Variants in HERC2 observed in about 807,000 individuals in gnomAD.
HERC2 encodes E3 ubiquitin-protein ligase HERC2.
In HERC2, 102 loss-of-function variants were observed where a neutral mutation model predicts 537.7. The observed-to-expected ratio is 0.19, with a 90% CI of 0.16 to 0.22. The LOEUF (loss-of-function observed/expected upper bound fraction) is 0.22. Ranked by LOEUF, HERC2 falls within the 10% of genes least tolerant of loss-of-function variation. The pLI is 1.00. For synonymous variants in HERC2, 2,224 were observed against 2,466.2 expected, an observed-to-expected ratio of 0.90 and a Z score of 2.91; for missense variants, 4,236 against 6,198.2, an observed-to-expected ratio of 0.68 and a Z score of 10.63.
Position 28,112,016 on chromosome 15 carries a change from G to A in HERC2, c.14252C>T (p.Pro4751Leu). 1 of 1,613,750 alleles carries A rather than the reference G, an allele frequency of 6.2e-7. No individual in the cohort carries two copies. The change falls in exon 93 of 93, where the codon CCT (proline) becomes CTT (leucine). Residue 4751 changes from proline (P) to leucine (L), a missense_variant. Coordinates refer to ENST00000261609, the MANE Select transcript of HERC2 (RefSeq NM_004667.6). ...FVIQVLDKYN[P>L]PDHFLPESYT... is the part of the protein sequence containing the mutation. The stretch of plus-strand genomic sequence containing the variant: ...GGACTCAGGGAGGAAGTGGTCTGGA[G>A]GGTTGTATTTATCCAACACCTGTTG...
Position 28,213,816 on chromosome 15 carries a change from G to C in HERC2, c.6712C>G (p.Pro2238Ala), listed in dbSNP as rs1567022957. 9 of 1,613,980 alleles carry C rather than the reference G, an allele frequency of 5.6e-6. 1 individual carries two copies. The highest frequency in any genetic ancestry group is 1.7e-4 in the Middle Eastern group (1 of 6,058). ...AACTGCACGGTGATTTTGCCCTTTG[G>C]GGTGATGCGAGTCACAGTGCCTTCT... ...FGEGTVTRIT[P>A]KGKITVQFSD... The change falls in exon 42 of 93, where the codon CCA (proline) becomes GCA (alanine). Residue 2238 changes from proline (P) to alanine (A), a missense_variant. Transcript: ENST00000261609.
Position 28,202,527 on chromosome 15 carries a change from C to A in HERC2, c.7300G>T (p.Ala2434Ser). 1 of 1,098,084 alleles carries A rather than the reference C, an allele frequency of 9.1e-7. No homozygotes were observed. The highest frequency in any genetic ancestry group is 1.3e-6 in the Non-Finnish European group (1 of 754,536). 68.0% of individuals were successfully genotyped at this position (1,098,084 alleles called of 1,614,324 possible). Residue 2434 changes from alanine (A) to serine (S), a missense_variant, in exon 46 of 93, where the codon GCC (alanine) becomes TCC (serine). By Grantham distance (99) the Ala-to-Ser change is moderately conservative (BLOSUM62 1). Coordinates refer to ENST00000261609, the MANE Select transcript of HERC2 (RefSeq NM_004667.6). ...TGCTGCACGGCGACAGGCGTGGTGG[C>A]CTCACTGGAGCTGCAGTCTTCAAAT... ...PGFEDCSSSE[A>S]TTPVAVQHIR...
intron 52 of HERC2, among the ~76,000 whole-genome samples, chr15:28,194,369 G>A (rs914345828): frequency 1.5e-4 from 22 of 144,322 alleles, no homozygotes; most frequent in Admixed American, 1.1e-3. Context: ...AGGAGATCGA[G>A]ACCATCCTGG....
At chr15:28,118,246 C>G (rs1046009846) in intron 86 of HERC2, 1 of 154,288 alleles carries the variant, frequency 6.5e-6, no homozygotes, top group Middle Eastern at 3.4e-3. Context: ...CCCTATGTCA[C>G]GGCGGCTGTG....
At chr15:28,144,572 G>C in intron 72 of HERC2, 101 bp downstream of exon 72, 3 of 1,505,812 alleles carry the variant, frequency 2.0e-6, no homozygotes, top group Non-Finnish European at 2.7e-6. Flanking sequence ...GCAGAAGGCA[G>C]GCTGTCAGGC....
At chr15:28,317,388 C>A (rs1232013062) in intron 2 of HERC2, among the ~76,000 whole-genome samples, 2 of 152,124 alleles carry the variant, frequency 1.3e-5, no homozygotes, top group African/African-American at 2.4e-5. Context: ...CGCGCCCAGC[C>A]GAAGTGACAA....
At position 28,280,207 on chromosome 15, in the gene HERC2, G is replaced by A. The variant is rs754568354; in HGVS notation, c.403C>T (p.Leu135Phe). Residue 135 changes from leucine to phenylalanine, a missense_variant, in exon 5 of 93, where the codon CTC becomes TTC. Around this residue, in one of 27 missense-constraint regions of HERC2, gnomAD observed 491 missense variants for 559.3 expected, o/e 0.88. Coordinates refer to ENST00000261609, the MANE Select transcript of HERC2 (RefSeq NM_004667.6). ...ALAVQSATTT[L>F]SALRLKQRLV... ...CTCTGCTTGAGTCGCAGGGCTGAGA[G>A]GGTGGTGGTGGCTGACTGGACGGCC... 6.2e-7 allele frequency: 1 copy of A among 1,614,186 alleles called. No individual in the cohort carries two copies. The highest frequency in any genetic ancestry group is 1.1e-5 in the South Asian group (1 of 91,078).
chr15:28,132,936 A>C, intron 79 of HERC2, 106 bp from the exon 80 acceptor site: 1 of 929,122 alleles, frequency 1.1e-6, no homozygotes, highest in Admixed American at 3.6e-5. Context: ...GTTAATTGTT[A>C]AATCAATCAA....
intron 35 of HERC2, among the ~76,000 whole-genome samples, chr15:28,225,696 CAAAAAAAAAAAA>C (rs35629645): frequency 3.4e-5 from 2 of 58,828 alleles, no homozygotes; most frequent in Admixed American, 3.5e-4. Context: ...GACTCCGTCT[CAAAAAAAAAAAA>C]AAAAAAAGAA....
At chr15:28,257,450 C>T (rs1430636215) in intron 16 of HERC2, among the ~76,000 whole-genome samples, 189 bp from the exon 17 acceptor site, 1 of 136,010 alleles carries the variant, frequency 7.4e-6, no homozygotes, top group East Asian at 2.4e-4. Context: ...CCACCCATTT[C>T]ACTAGCCCAT....
At chr15:28,275,836 A>G (rs2075856844) in intron 5 of HERC2, among the ~76,000 whole-genome samples, 1 of 151,916 alleles carries the variant, frequency 6.6e-6, no homozygotes, top group African/African-American at 2.4e-5. Flanking sequence ...CAACTCAATC[A>G]TGCACAGCAA....
intron 70 of HERC2, among the ~76,000 whole-genome samples, chr15:28,150,349 C>T (rs893832002): frequency 1.3e-5 from 2 of 150,290 alleles, no homozygotes; most frequent in African/African-American, 4.9e-5. Flanking sequence ...CGGCTTCTAA[C>T]AGAGAACATC....
chr15:28,172,439 G>A (rs981823615), intron 65 of HERC2, among the ~76,000 whole-genome samples: 3 of 152,138 alleles, frequency 2.0e-5, no homozygotes, highest in Admixed American at 6.5e-5. Flanking sequence ...ATAAATCAAT[G>A]AAACAGTACT....
At position 28,117,149 on chromosome 15, in the gene HERC2, T is replaced by C; in HGVS notation, c.13278A>G (p.Lys4426=). The part of the protein sequence containing the change: ...PVVELNRIQV[K]RSRSKGGLAG... ...CCAGCCCGCCTTTGCTCCTTGATCG[T>C]TTGACCTGGAGAGGAGGAAGCAAGC... Residue 4426 remains lysine (K), a synonymous_variant, in exon 87 of 93, where the codon AAA becomes AAG. Transcript: ENST00000261609. 1 of 1,613,816 alleles carries C rather than the reference T, an allele frequency of 6.2e-7. No individual in the cohort carries two copies.
chr15:28,192,782 T>G (rs1195103513), intron 52 of HERC2, among the ~76,000 whole-genome samples: 2 of 152,116 alleles, frequency 1.3e-5, no homozygotes, highest in Non-Finnish European at 2.9e-5. Context: ...ACATAGCATT[T>G]TGACAGCCTC....
At chr15:28,272,826 C>CACAATG in intron 8 of HERC2, 68 bp downstream of exon 8, 1 of 1,029,368 alleles carries the variant, frequency 9.7e-7, no homozygotes, top group African/African-American at 1.6e-5. Flanking sequence ...GTGAAACACA[C>CACAATG]ACAATGCAAC....
In HERC2 at chr15:28,238,788, C is replaced by T. The variant is rs1384783678; in HGVS notation, c.3578-16G>A. ...AAAAATGACTCTGTATATACAGAAACCAGAATCAGTCCATTGATCAATCAA... is the reference window on the plus strand; with the variant it reads ...AAAAATGACTCTGTATATACAGAAATCAGAATCAGTCCATTGATCAATCAA... On this transcript the variant is annotated splice_polypyrimidine_tract_variant and intron_variant, in intron 23 of 92. Coordinates refer to ENST00000261609, the MANE Select transcript of HERC2 (RefSeq NM_004667.6). 1.9e-6 allele frequency: 3 copies of T among 1,576,558 alleles called. No homozygotes were observed. The highest frequency in any genetic ancestry group is 2.6e-6 in the Non-Finnish European group (3 of 1,147,810).
At chr15:28,241,190 AAC>A (rs1171787617) in intron 23 of HERC2, among the ~76,000 whole-genome samples, 3 of 152,154 alleles carry the variant, frequency 2.0e-5, no homozygotes, top group Admixed American at 2.0e-4. Context: ...CAAGACAAAA[AAC>A]CCAATTAAAA....
In HERC2 at chr15:28,122,043, C is replaced by G. The variant is rs934475660; in HGVS notation, c.13189-614G>C. Among the ~76,000 whole-genome samples the G allele has an allele frequency of 1.3e-5, 2 of 151,570 alleles. No individual in the cohort carries two copies. The highest frequency in any genetic ancestry group is 2.4e-5 in the African/African-American group (1 of 41,226). On this transcript the variant is annotated intron_variant, in intron 85 of 92. Coordinates refer to ENST00000261609, the MANE Select transcript of HERC2 (RefSeq NM_004667.6). This position sits in a 1 kb window ranked among gnomAD's most constrained non-coding sequence, Gnocchi z 4.1. ...TGGATCGCCACTGCCTGCCATACAG[C>G]AGCCACGGGGCCAGGGAGCACCGTG...
Sources: gnomAD v4.1 joint callset for allele counts (sites outside exome capture counted in the v4.1 genomes callset) on GRCh38, gnomAD v4.1.1 for gene constraint, gnomAD v4.1.1 regional missense constraint, Gnocchi (gnomAD v3.1) non-coding constraint, MANE v1.5 for transcripts, NCBI Gene and HGNC (gene_info 2026-07-23, HGNC 2026-07-21) for gene names.